RRP1B: variants seen among roughly 807,000 people sequenced by gnomAD.
The protein encoded by RRP1B is ribosomal RNA processing protein 1 homolog B.
In RRP1B, 56 loss-of-function variants were observed where a neutral mutation model predicts 80.2. That is an observed-to-expected ratio of 0.70 (90% CI 0.56 to 0.87). RRP1B has a LOEUF of 0.87. Among genes scored for constraint, RRP1B ranks in the 40% least tolerant of loss-of-function variants. RRP1B has a pLI of 0.00. For missense variants in RRP1B, 807 were observed against 939.8 expected (o/e 0.86, Z 1.85); for synonymous variants, 351 against 357.6 (o/e 0.98, Z 0.21).
At chr21:43,670,673 T>C (rs917819122) in intron 2 of RRP1B, among the ~76,000 whole-genome samples, 1 of 151,380 alleles carries the variant, frequency 6.6e-6, no homozygotes, top group African/African-American at 2.4e-5. Context: ...TAGGACCTTA[T>C]GAGATTTTTT....
At chr21:43,668,981 C>T (rs146199073) in intron 1 of RRP1B, among the ~76,000 whole-genome samples, 5 of 152,280 alleles carry the variant, frequency 3.3e-5, no homozygotes, top group East Asian at 3.9e-4. Context: ...TAAGGCTGAA[C>T]GAGACTGGTC....
intron 1 of RRP1B, 54 bp from the exon 2 acceptor site, chr21:43,669,830 T>A (rs1457613306): frequency 2.3e-6 from 3 of 1,311,278 alleles, no homozygotes; most frequent in Non-Finnish European, 3.2e-6. Context: ...CTTTCTAAAC[T>A]TGAAGAAAAG....
At chr21:43,660,954 G>T (rs1025772491) in intron 1 of RRP1B, among the ~76,000 whole-genome samples, 1 of 152,134 alleles carries the variant, frequency 6.6e-6, no homozygotes, top group Admixed American at 6.5e-5. Flanking sequence ...TGTAATAGAG[G>T]TTTTAAGATA....
chr21:43,687,038 G>A (rs2083065880), intron 12 of RRP1B, 103 bp downstream of exon 12: 1 of 1,285,212 alleles, frequency 7.8e-7, no homozygotes, highest in African/African-American at 1.5e-5. Flanking sequence ...TAAAGCATTA[G>A]CAGAGCCCAA....
chr21:43,685,931 G>A, intron 11 of RRP1B, 142 bp downstream of exon 11: 1 of 1,084,540 alleles, frequency 9.2e-7, no homozygotes, highest in Non-Finnish European at 1.3e-6. Flanking sequence ...CCCTAGCCCA[G>A]GCAAAATAGC....
At chr21:43,670,054 TACA>T in intron 2 of RRP1B, 88 bp downstream of exon 2, 2 of 873,890 alleles carry the variant, frequency 2.3e-6, no homozygotes, top group Admixed American at 2.3e-5. Context: ...AGTCCCCCGA[TACA>T]CTGACGCACA....
intron 1 of RRP1B, among the ~76,000 whole-genome samples, chr21:43,661,122 A>G (rs1160592304): frequency 6.6e-6 from 1 of 152,218 alleles, no homozygotes; most frequent in African/African-American, 2.4e-5. Flanking sequence ...GGGAAGTCTG[A>G]TAGAAAAAGG....
rs1338999218 is a variant in RRP1B at position 43,675,175 on chromosome 21, C to T, written c.549+12C>T. Reference sequence around the variant, plus strand: ...TCGGGGGGAAGGAGGTAAGCAGCTGCCGACAGGCTGCCCACGGGGTGAGGG... The same window carrying T: ...TCGGGGGGAAGGAGGTAAGCAGCTGTCGACAGGCTGCCCACGGGGTGAGGG... On this transcript the variant is annotated intron_variant, in intron 6 of 15. Transcript: ENST00000340648. 1.2e-6 allele frequency: 2 copies of T among 1,612,742 alleles called. No homozygotes were observed. The highest frequency in any genetic ancestry group is 2.7e-5 in the African/African-American group (2 of 74,892).
intron 6 of RRP1B, 123 bp downstream of exon 6, chr21:43,675,286 T>C: frequency 1.1e-6 from 1 of 873,398 alleles, no homozygotes; most frequent in East Asian, 2.4e-5. Flanking sequence ...GTGAATTGCT[T>C]CAGTCCTGTC....
chr21:43,687,067 C>T, intron 12 of RRP1B, 132 bp downstream of exon 12: 2 of 1,059,408 alleles, frequency 1.9e-6, no homozygotes, highest in South Asian at 3.2e-5. Context: ...TCTTTAATGG[C>T]TGAGAGGTAA....
rs1294596186 is a variant in RRP1B at position 43,695,866 on chromosome 21, A to G, written c.*2483A>G. The G allele has an allele frequency of 6.6e-6, 1 of 152,236 alleles. No individual in the cohort carries two copies. The highest frequency in any genetic ancestry group is 1.5e-5 in the Non-Finnish European group (1 of 68,050). The allele number at this position is 152,236 out of a possible 1,614,324, so 9.4% of individuals were successfully genotyped here. A position where few individuals can be genotyped will look rare whatever the true frequency, so the allele number is the denominator to read the frequency against. On this transcript the variant is annotated 3_prime_UTR_variant, in exon 16 of 16. Transcript: ENST00000340648. ...CTAATTTTTACTGAACTGAAAGCAC[A>G]AAGAAGACTACACAGAAAATCTGGA...
At chr21:43,662,461 G>A (rs73367886) in intron 1 of RRP1B, among the ~76,000 whole-genome samples, 4 of 152,176 alleles carry the variant, frequency 2.6e-5, no homozygotes, top group Non-Finnish European at 4.4e-5. Context: ...GCACAAGTTT[G>A]GAAATAACTT....
Position 43,688,195 on chromosome 21 carries a change from G to A in RRP1B, c.1821G>A (p.Glu607=). ...KKMRVMSNLV[E]HNGVLESEAG... ...TGAGAGTGATGTCAAACTTGGTGGA[G>A]CACAACGGGGTGCTGGAGTCCGAAG... is the stretch of plus-strand genomic sequence containing the variant. Residue 607 remains glutamate, a synonymous_variant, in exon 13 of 16, where the codon GAG becomes GAA. Transcript: ENST00000340648. 3.8e-6 allele frequency: 6 copies of A among 1,575,222 alleles called. No homozygotes were observed. Among genetic ancestry groups the A allele is most frequent in the Non-Finnish European group, 4.3e-6 (5 of 1,159,654 alleles).
chr21:43,681,304 A>G (rs1383643504), intron 8 of RRP1B, among the ~76,000 whole-genome samples: 1 of 148,732 alleles, frequency 6.7e-6, no homozygotes, highest in Non-Finnish European at 1.5e-5. Flanking sequence ...AGATAGATAG[A>G]ATCAAGAACC....
At position 43,684,583 on chromosome 21, in the gene RRP1B, C is replaced by T. The variant is rs2083056324; in HGVS notation, c.922C>T (p.Leu308=). ...FDYKAVADRL[L]EMTSRKNTPH... ...CTATAAGGCTGTTGCTGATCGACTC[C>T]TGGAAATGACCAGCAGGAAGAACAC... The change falls in exon 10 of 16, where the codon CTG becomes TTG. Residue 308 remains leucine (L), a synonymous_variant. Transcript: ENST00000340648. The T allele has an allele frequency of 6.2e-7, 1 of 1,614,000 alleles. No individual in the cohort carries two copies. Among genetic ancestry groups the T allele is most frequent in the African/African-American group, 1.3e-5 (1 of 74,902 alleles).
At position 43,687,625 on chromosome 21, in the gene RRP1B, G is replaced by A. The variant is rs545313434; in HGVS notation, c.1251G>A (p.Gly417=). ...HHLQPENPGP[G]GAAPSLEQNR... Reference sequence around the variant, plus strand: ...TGCAGCCTGAAAATCCAGGCCCAGGGGGTGCAGCCCCATCCCTGGAACAGA... The same window carrying A: ...TGCAGCCTGAAAATCCAGGCCCAGGAGGTGCAGCCCCATCCCTGGAACAGA... Residue 417 remains glycine, a synonymous_variant, in exon 13 of 16, where the codon GGG becomes GGA. Transcript: ENST00000340648. The A allele has an allele frequency of 2.6e-6, 4 of 1,537,726 alleles. No individual in the cohort carries two copies. The highest frequency in any genetic ancestry group is 2.3e-5 in the East Asian group (1 of 44,246).
intron 5 of RRP1B, 132 bp downstream of exon 5, chr21:43,674,829 G>C: frequency 9.6e-7 from 1 of 1,037,660 alleles, no homozygotes; most frequent in Non-Finnish European, 1.4e-6. Context: ...TTGAAATCCA[G>C]TAGAAGGCAT....
chr21:43,661,604 C>T (rs567532308), intron 1 of RRP1B, among the ~76,000 whole-genome samples: 1 of 152,316 alleles, frequency 6.6e-6, no homozygotes, highest in Admixed American at 6.5e-5. Flanking sequence ...CCGCATATTC[C>T]CCAACTGGTC....
chr21:43,662,505 A>G (rs755777955), intron 1 of RRP1B, among the ~76,000 whole-genome samples: 13 of 152,228 alleles, frequency 8.5e-5, no homozygotes, highest in Non-Finnish European at 1.8e-4. Flanking sequence ...ACAGGCTCCA[A>G]CTTTTCTGCA....
Sources: gnomAD v4.1 joint callset for allele counts (sites outside exome capture counted in the v4.1 genomes callset) on GRCh38, gnomAD v4.1.1 for gene constraint, MANE v1.5 for transcripts, NCBI Gene and HGNC (gene_info 2026-07-23, HGNC 2026-07-21) for gene names.